The following PCDHGB6 variants were observed in gnomAD, a reference collection of about 807,000 sequenced individuals.
The protein encoded by PCDHGB6 is protocadherin gamma-B6.
A neutral mutation model predicts 59.1 loss-of-function variants in PCDHGB6; 51 were observed. That is an observed-to-expected ratio of 0.86 (90% confidence interval 0.69 to 1.09). PCDHGB6 has a LOEUF of 1.09. Ranked by LOEUF, PCDHGB6 falls within the 50% of genes least tolerant of loss-of-function variation. The probability of loss-of-function intolerance (pLI) is 0.00; values close to 1 mark genes in which losing one functional copy is unlikely to be tolerated. For missense variants in PCDHGB6, 1,148 were observed against 1,205.1 expected (o/e 0.95, Z 0.70); for synonymous variants, 466 against 495.1 (o/e 0.94, Z 0.78).
intron 1 of PCDHGB6, chr5:141,478,044 C>A (rs1302168166): frequency 1.9e-6 from 3 of 1,614,184 alleles, no homozygotes; most frequent in South Asian, 1.1e-5. Flanking sequence ...CCCAGGCAGA[C>A]TCTCACGGTC....
intron 1 of PCDHGB6, chr5:141,414,763 C>A: frequency 6.2e-7 from 1 of 1,614,258 alleles, no homozygotes; most frequent in Non-Finnish European, 8.5e-7. Flanking sequence ...TGAGCAGTTT[C>A]ATGAGCTACA....
In PCDHGB6 at chr5:141,476,499, TC is replaced by T; in HGVS notation, c.2419-18307del. 1 of 1,614,110 alleles carries T rather than the reference TC, an allele frequency of 6.2e-7. No individual in the cohort carries two copies. Among genetic ancestry groups the T allele is most frequent in the Non-Finnish European group, 8.5e-7 (1 of 1,180,020 alleles). ...AGCGTGGAAGTGGTGATCCAGGACATCAACGACAACAATCCTGCTTTCCCTA... is the reference window on the plus strand; with the variant it reads ...AGCGTGGAAGTGGTGATCCAGGACATAACGACAACAATCCTGCTTTCCCTA... On this transcript the variant is annotated intron_variant, in intron 1 of 3. Transcript: ENST00000520790. The surrounding 1 kb of genome is among the most constrained non-coding windows in gnomAD (Gnocchi z 7.6).
chr5:141,470,019 C>G (rs2099219272), intron 1 of PCDHGB6, among the ~76,000 whole-genome samples: 1 of 152,154 alleles, frequency 6.6e-6, no homozygotes, highest in South Asian at 2.1e-4. Context: ...ATCCCAGCTA[C>G]TCGGGATGCT....
chr5:141,413,555 T>C (rs1270604020), intron 1 of PCDHGB6: 1 of 1,613,852 alleles, frequency 6.2e-7, no homozygotes. Flanking sequence ...GAAATAGAAG[T>C]AACTGATATC....
chr5:141,474,019 A>G (rs923131322), intron 1 of PCDHGB6, among the ~76,000 whole-genome samples: 4 of 152,134 alleles, frequency 2.6e-5, no homozygotes, highest in Non-Finnish European at 4.4e-5. Flanking sequence ...ACAGTGAGCT[A>G]TGATTATTCC....
At chr5:141,421,770 G>T in intron 1 of PCDHGB6, 6 of 1,613,856 alleles carry the variant, frequency 3.7e-6, no homozygotes, top group East Asian at 2.2e-5. Context: ...ACTTTTCCTT[G>T]CAACTGCGGG....
chr5:141,504,461 C>T (rs1485490028), intron 2 of PCDHGB6, among the ~76,000 whole-genome samples: 1 of 151,900 alleles, frequency 6.6e-6, no homozygotes, highest in Non-Finnish European at 1.5e-5. Flanking sequence ...GTGGGGCAGC[C>T]GCTGGGATGG....
chr5:141,511,082 C>T lies in PCDHGB6; in HGVS notation c.2702C>T (p.Thr901Ile). Residue 901 changes from threonine to isoleucine, a missense_variant, in exon 4 of 4, where the codon ACA (threonine) becomes ATA (isoleucine). By Grantham distance (89) the Thr-to-Ile change is moderately conservative. This residue lies in a region of PCDHGB6 where 283 missense variants were observed against 318.6 expected (regional missense o/e 0.89). Transcript: ENST00000520790. ...QNVYIPGSNA[T>I]LTNAAGKRDG... ...GTCTACATCCCAGGCAGCAATGCCA[C>T]ACTGACCAACGCAGCTGGCAAGCGG... 1 of 1,614,224 alleles carries T rather than the reference C, an allele frequency of 6.2e-7. No individual in the cohort carries two copies. Among genetic ancestry groups the T allele is most frequent in the Non-Finnish European group, 8.5e-7 (1 of 1,180,028 alleles).
intron 1 of PCDHGB6, chr5:141,418,768 T>C (rs1216316680): frequency 6.2e-7 from 1 of 1,613,712 alleles, no homozygotes; most frequent in Non-Finnish European, 8.5e-7. Context: ...ACATTCTAAC[T>C]CAGCAGCCTT....
At position 141,409,894 on chromosome 5, in the gene PCDHGB6, C is replaced by A. The variant is rs1440813020; in HGVS notation, c.1692C>A (p.Tyr564Ter). The A allele has an allele frequency of 2.5e-6, 4 of 1,613,196 alleles. No homozygotes were observed. In the Admixed American group the frequency reaches 5.0e-5, roughly 20 times the overall value. ...DRNDNAPRVL[Y>*]PALGPDGSAF... is the part of the protein sequence containing the mutation. ...ATGACAACGCACCGCGGGTGCTGTACCCAGCTCTGGGTCCTGACGGCTCCG... is the reference window on the plus strand; with the variant it reads ...ATGACAACGCACCGCGGGTGCTGTAACCAGCTCTGGGTCCTGACGGCTCCG... The change falls in exon 1 of 4, where the codon TAC (tyrosine) becomes TAA (stop). Residue 564 changes from tyrosine (Y) to a stop codon, truncating the protein, a stop_gained. Transcript: ENST00000520790. LOFTEE classifies it high-confidence loss of function.
intron 1 of PCDHGB6, among the ~76,000 whole-genome samples, chr5:141,474,432 C>T (rs1050895539): frequency 6.6e-6 from 1 of 152,214 alleles, no homozygotes; most frequent in Non-Finnish European, 1.5e-5. Context: ...GGTCCTCACA[C>T]TTTGAGTAGC....
At position 141,485,227 on chromosome 5, in the gene PCDHGB6, G is replaced by C. The variant is rs2099609828; in HGVS notation, c.2419-9580G>C. 1 of 1,614,186 alleles carries C rather than the reference G, an allele frequency of 6.2e-7. No individual in the cohort carries two copies. Among genetic ancestry groups the C allele is most frequent in the Non-Finnish European group, 8.5e-7 (1 of 1,180,020 alleles). On this transcript the variant is annotated intron_variant, in intron 1 of 3. Transcript: ENST00000520790. The surrounding 1 kb of genome is among the most constrained non-coding windows in gnomAD (Gnocchi z 5.7). The stretch of plus-strand genomic sequence containing the variant: ...AAATCTGGCGGTGGGCTACCCTTTT[G>C]TTCCTCTTTTACCACCTGGGTTACG...
chr5:141,508,062 C>T (rs910730855), intron 3 of PCDHGB6: 2 of 152,316 alleles, frequency 1.3e-5, no homozygotes, highest in African/African-American at 4.8e-5. Flanking sequence ...TAATCAGCCT[C>T]CTTGGGCTAC....
intron 1 of PCDHGB6, chr5:141,478,008 C>T: frequency 6.2e-7 from 1 of 1,614,124 alleles, no homozygotes; most frequent in Non-Finnish European, 8.5e-7. Flanking sequence ...ATCAGTACTG[C>T]CCGTCCAGTC....
chr5:141,491,560 T>C lies in PCDHGB6; in HGVS notation c.2419-3247T>C. 1 of 1,613,986 alleles carries C rather than the reference T, an allele frequency of 6.2e-7. No homozygotes were observed. Among genetic ancestry groups the C allele is most frequent in the Non-Finnish European group, 8.5e-7 (1 of 1,180,026 alleles). ...GCCCACAGACTCGCAGAGCCACTGCTACAGGACGTGCTTTTCACCGGCCTC... is the reference window on the plus strand; with the variant it reads ...GCCCACAGACTCGCAGAGCCACTGCCACAGGACGTGCTTTTCACCGGCCTC... On this transcript the variant is annotated intron_variant, in intron 1 of 3. Coordinates refer to ENST00000520790, the MANE Select transcript of PCDHGB6 (RefSeq NM_018926.3). This position sits in a 1 kb window ranked among gnomAD's most constrained non-coding sequence, Gnocchi z 6.9.
rs369851570 is a variant in PCDHGB6, at chr5:141,408,393, G to T, written c.191G>T (p.Arg64Leu). 1.7e-5 allele frequency: 28 copies of T among 1,613,918 alleles called. No individual in the cohort carries two copies. In the Admixed American group the frequency reaches 2.2e-4, roughly 12 times the overall value. The change falls in exon 1 of 4, where the codon CGC becomes CTC. Residue 64 changes from arginine to leucine, a missense_variant. This residue lies in a region of PCDHGB6 where 307 missense variants were observed against 323.8 expected (regional missense o/e 0.95). Coordinates refer to ENST00000520790, the MANE Select transcript of PCDHGB6 (RefSeq NM_018926.3). ...LGLSVLDVSARKLRVSAEKLH... is the reference protein window; with the variant it reads ...LGLSVLDVSALKLRVSAEKLH... Reference sequence around the variant, plus strand: ...CTCAGTGTCCTGGATGTGTCGGCTCGCAAGCTGCGAGTGAGCGCGGAGAAG... The same window carrying T: ...CTCAGTGTCCTGGATGTGTCGGCTCTCAAGCTGCGAGTGAGCGCGGAGAAG...
At chr5:141,417,887 C>T in intron 1 of PCDHGB6, 2 of 1,564,888 alleles carry the variant, frequency 1.3e-6, no homozygotes, top group Non-Finnish European at 1.7e-6. Flanking sequence ...GCAGAGGCGC[C>T]GGGCCGGCCC....
At chr5:141,418,196 C>G in intron 1 of PCDHGB6, 1 of 1,614,032 alleles carries the variant, frequency 6.2e-7, no homozygotes, top group Non-Finnish European at 8.5e-7. Context: ...GGTGGAAAAT[C>G]CTTTAAATAT....
chr5:141,477,274 G>A lies in PCDHGB6; in HGVS notation c.2419-17533G>A. The A allele has an allele frequency of 2.5e-6, 4 of 1,614,034 alleles. No homozygotes were observed. Among genetic ancestry groups the A allele is most frequent in the East Asian group, 2.2e-5 (1 of 44,880 alleles). ...ACCTGGATGCTGGCGAGAACGGGCT[G>A]GTGACCTGCGAAGTTCCACCGGGTC... On this transcript the variant is annotated intron_variant, in intron 1 of 3. Coordinates refer to ENST00000520790, the MANE Select transcript of PCDHGB6 (RefSeq NM_018926.3). This position sits in a 1 kb window ranked among gnomAD's most constrained non-coding sequence, Gnocchi z 4.9.
Sources: gnomAD v4.1 joint callset for allele counts (sites outside exome capture counted in the v4.1 genomes callset) on GRCh38, gnomAD v4.1.1 for gene constraint, gnomAD v4.1.1 regional missense constraint, Gnocchi (gnomAD v3.1) non-coding constraint, MANE v1.5 for transcripts, NCBI Gene and HGNC (gene_info 2026-07-23, HGNC 2026-07-21) for gene names.